The following UAP1 variants were observed in gnomAD, a reference collection of about 807,000 sequenced individuals.
UAP1 encodes UDP-N-acetylhexosamine pyrophosphorylase.
In UAP1, 25 loss-of-function variants were observed where a neutral mutation model predicts 58.5. The ratio of observed to expected loss-of-function variants is 0.43; its 90% CI spans 0.31 to 0.60. UAP1 has a LOEUF of 0.60. Ranked by LOEUF, UAP1 falls within the 20% of genes least tolerant of loss-of-function variation. The probability of loss-of-function intolerance (pLI) is 0.11; values close to 1 mark genes in which losing one functional copy is unlikely to be tolerated. For synonymous variants in UAP1, 208 were observed against 213.0 expected (o/e 0.98, Z 0.21); for missense variants, 575 against 630.0 (o/e 0.91, Z 0.93).
At position 162,590,305 on chromosome 1, in the gene UAP1, T is replaced by C. The variant is rs1655219421; in HGVS notation, c.1170-18T>C. The C allele has an allele frequency of 6.3e-7, 1 of 1,599,658 alleles. No individual in the cohort carries two copies. Among genetic ancestry groups the C allele is most frequent in the South Asian group, 1.1e-5 (1 of 88,466 alleles). ...TGCAGTTTCATAATAAAGAGGTCTT[T>C]ATATGGTTTCGCTCTAGGAAGTTTG... On this transcript the variant is annotated intron_variant, in intron 7 of 10. Transcript: ENST00000271469.
At chr1:162,577,278 T>G (rs1654248412) in intron 3 of UAP1, among the ~76,000 whole-genome samples, 1 of 151,764 alleles carries the variant, frequency 6.6e-6, no homozygotes, top group Non-Finnish European at 1.5e-5. Context: ...CCAGGTTATT[T>G]AGCTCTCCCA....
Position 162,587,492 on chromosome 1 carries a change from C to T in UAP1, c.852C>T (p.Asn284=), listed in dbSNP as rs756365740. ...GTGGACAGGTGGTAGAGAAAACGAA[C>T]CCTACAGAACCAGTTGGAGTGGTTT... The change falls in exon 6 of 11, where the codon AAC becomes AAT. Residue 284 remains asparagine (N), a synonymous_variant. Transcript: ENST00000271469. 37 of 1,606,952 alleles carry T rather than the reference C, an allele frequency of 2.3e-5. No individual in the cohort carries two copies. The Middle Eastern group carries it at 1.5e-3, about 65-fold the overall frequency.
chr1:162,587,639 C>T, exon 6 of UAP1: 2 of 1,613,730 alleles, frequency 1.2e-6, no homozygotes, highest in East Asian at 4.5e-5. Flanking sequence ...ACCATTTCTT[C>T]ACTGTACCAT....
At chr1:162,574,005 T>C (rs183433781) in intron 2 of UAP1, among the ~76,000 whole-genome samples, 1 of 151,910 alleles carries the variant, frequency 6.6e-6, no homozygotes, top group African/African-American at 2.4e-5. Flanking sequence ...TGCTGAATAA[T>C]GTTCTTGGAC....
intron 2 of UAP1, among the ~76,000 whole-genome samples, chr1:162,573,063 A>G (rs1171901187): frequency 6.6e-6 from 1 of 152,190 alleles, no homozygotes; most frequent in African/African-American, 2.4e-5. Context: ...CCAAATATAA[A>G]ACAGTTTTCA....
chr1:162,568,131 A>AGT (rs1653636299), intron 2 of UAP1, among the ~76,000 whole-genome samples: 1 of 152,218 alleles, frequency 6.6e-6, no homozygotes, highest in African/African-American at 2.4e-5. Flanking sequence ...ATAGATGTGT[A>AGT]GTAATACTAT....
intron 2 of UAP1, among the ~76,000 whole-genome samples, chr1:162,576,323 T>C (rs911532828): frequency 6.6e-6 from 1 of 152,184 alleles, no homozygotes; most frequent in Non-Finnish European, 1.5e-5. Flanking sequence ...CCACATCAAT[T>C]AGTCATCAAA....
At chr1:162,572,388 C>A (rs144571795) in intron 2 of UAP1, among the ~76,000 whole-genome samples, 1,606 of 152,276 alleles carry the variant, frequency 0.011, 24 homozygotes, top group African/African-American at 0.037. Context: ...CTGGTTAGAC[C>A]TATAGAAAGC....
At chr1:162,579,625 A>G in intron 4 of UAP1, 22 bp downstream of exon 4, 1 of 1,495,616 alleles carries the variant, frequency 6.7e-7, no homozygotes, top group Non-Finnish European at 9.0e-7. Context: ...TCCTTATTTA[A>G]TGGTGACTAG....
chr1:162,574,590 C>A (rs1654063849), intron 2 of UAP1, among the ~76,000 whole-genome samples: 1 of 152,220 alleles, frequency 6.6e-6, no homozygotes, highest in Admixed American at 6.5e-5. Flanking sequence ...GGTTTGTTCA[C>A]AGAATTTCTA....
At chr1:162,586,175 A>G (rs556727431) in intron 5 of UAP1, among the ~76,000 whole-genome samples, 1 of 152,200 alleles carries the variant, frequency 6.6e-6, no homozygotes, top group African/African-American at 2.4e-5. Flanking sequence ...TATTTTAAGA[A>G]ATCAGTTGTT....
intron 7 of UAP1, among the ~76,000 whole-genome samples, chr1:162,589,194 A>G (rs1248480103): frequency 7.3e-5 from 5 of 68,314 alleles, no homozygotes; most frequent in Non-Finnish European, 1.2e-4. Flanking sequence ...AATATATATT[A>G]TATATTATAT....
chr1:162,563,652 C>T (rs1226256854), intron 1 of UAP1, among the ~76,000 whole-genome samples: 3 of 152,202 alleles, frequency 2.0e-5, no homozygotes, highest in African/African-American at 7.2e-5. Flanking sequence ...CGTGAGCCAC[C>T]GCGCCCGGCC....
At chr1:162,582,834 C>G (rs1290500653) in intron 5 of UAP1, among the ~76,000 whole-genome samples, 2 of 152,168 alleles carry the variant, frequency 1.3e-5, no homozygotes, top group Non-Finnish European at 2.9e-5. Context: ...TCATTGGAAG[C>G]CGAAATCTTA....
chr1:162,598,206 G>GA (rs892983590), intron 10 of UAP1, among the ~76,000 whole-genome samples: 47 of 144,612 alleles, frequency 3.3e-4, no homozygotes, highest in Non-Finnish European at 5.4e-4. Flanking sequence ...TCTTTATAAA[G>GA]AAAAAAAAAA....
chr1:162,580,566 A>C (rs1391069886), intron 4 of UAP1, among the ~76,000 whole-genome samples: 2 of 152,252 alleles, frequency 1.3e-5, no homozygotes, highest in Non-Finnish European at 1.5e-5. Context: ...GAGAATCTGT[A>C]CTTGGAGGAA....
Position 162,579,476 on chromosome 1 carries a change from C to T in UAP1, c.534C>T (p.Phe178=), listed in dbSNP as rs555399203. Residue 178 remains phenylalanine (F), a synonymous_variant, in exon 4 of 11, where the codon TTC becomes TTT. Transcript: ENST00000271469. Reference sequence around the variant, plus strand: ...CAATGGAATCTACAAAGGAGTTCTTCACCAAGCACAAGTACTTTGGTTTAA... The same window carrying T: ...CAATGGAATCTACAAAGGAGTTCTTTACCAAGCACAAGTACTTTGGTTTAA... 17 of 1,607,880 alleles carry T rather than the reference C, an allele frequency of 1.1e-5. No homozygotes were observed. The East Asian group carries it at 3.6e-4, about 34-fold the overall frequency.
chr1:162,574,626 C>G (rs528230933), intron 2 of UAP1, among the ~76,000 whole-genome samples: 1 of 152,166 alleles, frequency 6.6e-6, no homozygotes, highest in Non-Finnish European at 1.5e-5. Flanking sequence ...GTATGAAACT[C>G]AGAAAACAAG....
intron 2 of UAP1, among the ~76,000 whole-genome samples, chr1:162,573,109 C>G (rs1329584926): frequency 6.6e-6 from 1 of 152,020 alleles, no homozygotes; most frequent in East Asian, 1.9e-4. Context: ...CTTTAAATTT[C>G]TTCATCTCAG....
Sources: allele counts gnomAD v4.1 joint callset (sites outside exome capture counted in the v4.1 genomes callset), GRCh38; gene constraint gnomAD v4.1.1; transcripts MANE v1.5; gene names NCBI Gene and HGNC (gene_info 2026-07-23, HGNC 2026-07-21).